DCP2: variants seen among roughly 807,000 people sequenced by gnomAD.
The protein encoded by DCP2 is m7GpppN-mRNA hydrolase.
DCP2 carries 30 observed loss-of-function variants against 56.1 expected under a neutral mutation model. That is an observed-to-expected ratio of 0.53 (90% CI 0.40 to 0.73). The LOEUF (loss-of-function observed/expected upper bound fraction) is 0.73. Among genes scored for constraint, DCP2 ranks in the 30% least tolerant of loss-of-function variants. The probability of loss-of-function intolerance (pLI) is 0.00; values close to 1 mark genes in which losing one functional copy is unlikely to be tolerated. For synonymous variants in DCP2, 197 were observed against 163.3 expected (o/e 1.21, Z -1.57); for missense variants, 533 against 502.7 (o/e 1.06, Z -0.58).
At chr5:112,977,072 C>G in intron 1 of DCP2, 86 bp downstream of exon 1, 7 of 1,060,216 alleles carry the variant, frequency 6.6e-6, no homozygotes, top group Non-Finnish European at 9.2e-6. Context: ...TTCTTCCCCG[C>G]CCACGTCCAT....
At chr5:112,978,027 G>T (rs1747802363) in intron 1 of DCP2, among the ~76,000 whole-genome samples, 1 of 151,956 alleles carries the variant, frequency 6.6e-6, no homozygotes, top group Admixed American at 6.6e-5. Context: ...GCCCAGGCTG[G>T]TGTGCAGTGG....
intron 2 of DCP2, among the ~76,000 whole-genome samples, chr5:112,986,944 A>C (rs1379663026): frequency 1.3e-5 from 2 of 152,180 alleles, no homozygotes; most frequent in African/African-American, 4.8e-5. Context: ...TGCAGGTTAC[A>C]GTGAGCTGAG....
At chr5:112,993,244 A>G (rs1228472191) in intron 4 of DCP2, among the ~76,000 whole-genome samples, 1 of 152,122 alleles carries the variant, frequency 6.6e-6, no homozygotes. Context: ...CCTCTCCCCC[A>G]CACAAATCTT....
intron 1 of DCP2, among the ~76,000 whole-genome samples, chr5:112,977,209 C>T (rs567476223): frequency 1.3e-5 from 2 of 152,280 alleles, no homozygotes; most frequent in Admixed American, 1.3e-4. Context: ...CGCAGAACAC[C>T]CGGAATTTCC....
intron 4 of DCP2, among the ~76,000 whole-genome samples, chr5:112,996,745 C>T (rs193244262): frequency 2.2e-3 from 338 of 152,280 alleles, no homozygotes; most frequent in Non-Finnish European, 3.4e-3. Flanking sequence ...TTAGTAATTT[C>T]CAATCTTCTA....
At position 112,977,005 on chromosome 5, in the gene DCP2, C is replaced by G. The variant is rs753182954; in HGVS notation, c.53+19C>G. Reference sequence around the variant, plus strand: ...TCTGCAGGTACCGCGCTACCCGACCCCCTTTCGCCCCCGTCGGGTTTTCTC... The same window carrying G: ...TCTGCAGGTACCGCGCTACCCGACCGCCTTTCGCCCCCGTCGGGTTTTCTC... On this transcript the variant is annotated intron_variant, in intron 1 of 10. Transcript: ENST00000389063. 2.7e-6 allele frequency: 4 copies of G among 1,496,818 alleles called. No individual in the cohort carries two copies. In the South Asian group the frequency reaches 3.9e-5, roughly 14 times the overall value. The allele number at this position is 1,496,818 out of a possible 1,614,324, so 92.7% of individuals were successfully genotyped here.
chr5:113,010,710 C>A, intron 9 of DCP2, 46 bp from the exon 10 acceptor site: 3 of 1,434,754 alleles, frequency 2.1e-6, no homozygotes, highest in South Asian at 1.5e-5. Context: ...TAACTGGTGA[C>A]TGTGTTGTAT....
At chr5:112,993,786 A>G (rs956910007) in intron 4 of DCP2, among the ~76,000 whole-genome samples, 1 of 152,012 alleles carries the variant, frequency 6.6e-6, no homozygotes, top group East Asian at 1.9e-4. Flanking sequence ...TGCCACCGCC[A>G]CCAACTAACT....
chr5:112,977,100 C>T (rs1198835552), intron 1 of DCP2, 114 bp downstream of exon 1: 1 of 748,014 alleles, frequency 1.3e-6, no homozygotes, highest in Non-Finnish European at 2.0e-6. Flanking sequence ...CTTTCCGCTC[C>T]CGCCGCTGCT....
At chr5:113,009,449 A>T (rs780605544) in intron 9 of DCP2, among the ~76,000 whole-genome samples, 8 of 152,374 alleles carry the variant, frequency 5.3e-5, no homozygotes, top group Admixed American at 5.2e-4. Flanking sequence ...CATTTCTCCG[A>T]TCAGATTGGC....
At chr5:112,980,403 G>A (rs1162362166) in intron 1 of DCP2, among the ~76,000 whole-genome samples, 1 of 152,170 alleles carries the variant, frequency 6.6e-6, no homozygotes, top group Non-Finnish European at 1.5e-5. Flanking sequence ...TGTTAGTGTT[G>A]AATTCAACCG....
intron 2 of DCP2, among the ~76,000 whole-genome samples, chr5:112,991,391 G>T (rs916202079): frequency 2.0e-5 from 3 of 152,160 alleles, no homozygotes; most frequent in African/African-American, 7.2e-5. Context: ...TAATTTCAGG[G>T]TTTGGATTTT....
chr5:113,001,754 G>T, intron 7 of DCP2, 80 bp downstream of exon 7: 2 of 1,339,830 alleles, frequency 1.5e-6, no homozygotes, highest in Non-Finnish European at 1.1e-6. Flanking sequence ...TCTAAAATTT[G>T]CAGAGGATGT....
At chr5:113,002,401 T>TG (rs1749220509) in intron 7 of DCP2, among the ~76,000 whole-genome samples, 1 of 146,526 alleles carries the variant, frequency 6.8e-6, no homozygotes, top group Non-Finnish European at 1.5e-5. Flanking sequence ...CCAGCCTGGG[T>TG]GACAGAGTGA....
chr5:112,987,406 C>T (rs994535330), intron 2 of DCP2, among the ~76,000 whole-genome samples: 9 of 152,064 alleles, frequency 5.9e-5, no homozygotes, highest in East Asian at 1.9e-4. Flanking sequence ...ATGATGGCAT[C>T]GTATGGGTTC....
Position 113,003,956 on chromosome 5 carries a change from G to T in DCP2, c.821G>T (p.Arg274Leu). The T allele has an allele frequency of 6.2e-7, 1 of 1,614,040 alleles. No homozygotes were observed. Among genetic ancestry groups the T allele is most frequent in the Non-Finnish European group, 8.5e-7 (1 of 1,179,984 alleles). Residue 274 changes from arginine to leucine, a missense_variant, in exon 8 of 11, where the codon CGC (arginine) becomes CTC (leucine). Arg to Leu is a moderately radical substitution (Grantham distance 102). Coordinates refer to ENST00000389063, the MANE Select transcript of DCP2 (RefSeq NM_152624.6). Reference sequence around the variant, plus strand: ...TCTTGGTGTAGTCGAACCAAATTCCGCCACAGTCAGCAGTTATTTCCTGAC... The same window carrying T: ...TCTTGGTGTAGTCGAACCAAATTCCTCCACAGTCAGCAGTTATTTCCTGAC... Reference protein sequence around the residue: ...TVEKLSRTKFRHSQQLFPDGS... With the variant: ...TVEKLSRTKFLHSQQLFPDGS...
At chr5:113,011,237 A>G (rs780078813) in intron 10 of DCP2, among the ~76,000 whole-genome samples, 1 of 152,164 alleles carries the variant, frequency 6.6e-6, no homozygotes, top group Non-Finnish European at 1.5e-5. Flanking sequence ...GTAAATTTGT[A>G]TGCCTTTTTT....
intron 2 of DCP2, among the ~76,000 whole-genome samples, chr5:112,988,335 A>G (rs1023620124): frequency 6.3e-5 from 9 of 143,662 alleles, no homozygotes; most frequent in African/African-American, 2.5e-5. Context: ...AAAAAAAAAT[A>G]CAAAAAATTA....
At chr5:113,002,278 C>T (rs1415835951) in intron 7 of DCP2, among the ~76,000 whole-genome samples, 2 of 151,944 alleles carry the variant, frequency 1.3e-5, no homozygotes, top group Non-Finnish European at 2.9e-5. Context: ...CAAAAATTAG[C>T]TGGGCGTGGT....
Sources: allele counts gnomAD v4.1 joint callset (sites outside exome capture counted in the v4.1 genomes callset), GRCh38; gene constraint gnomAD v4.1.1; transcripts MANE v1.5; gene names NCBI Gene and HGNC (gene_info 2026-07-23, HGNC 2026-07-21).